Variants in SPECC1 observed in about 807,000 individuals in gnomAD.
The protein encoded by SPECC1 is sperm antigen with calponin homology and coiled-coil domains 1, also known as cytospin-B.
SPECC1 carries 62 observed loss-of-function variants against 104.1 expected under a neutral mutation model. That is an observed-to-expected ratio of 0.60 (90% CI 0.49 to 0.74). SPECC1 has a LOEUF of 0.74. Among genes scored for constraint, SPECC1 ranks in the 30% least tolerant of loss-of-function variants. The probability of loss-of-function intolerance (pLI) is 0.00; values close to 1 mark genes in which losing one functional copy is unlikely to be tolerated. For missense variants in SPECC1, 1,306 were observed against 1,310.5 expected (o/e 1.00, Z 0.05); for synonymous variants, 513 against 501.6 (o/e 1.02, Z -0.30).
At chr17:20,059,585 C>T (rs1396914252) in intron 1 of SPECC1, among the ~76,000 whole-genome samples, 1 of 152,192 alleles carries the variant, frequency 6.6e-6, no homozygotes, top group Non-Finnish European at 1.5e-5. Context: ...TATGTAGCAA[C>T]CCCTTTTCTT....
At chr17:20,273,987 C>G (rs556613779) in intron 12 of SPECC1, among the ~76,000 whole-genome samples, 2 of 152,232 alleles carry the variant, frequency 1.3e-5, no homozygotes, top group South Asian at 4.1e-4. Flanking sequence ...GCCTGGAGGC[C>G]TCAGAGAGCT....
chr17:20,199,472 C>T (rs1370738144), intron 3 of SPECC1, among the ~76,000 whole-genome samples: 1 of 144,798 alleles, frequency 6.9e-6, no homozygotes, highest in Non-Finnish European at 1.5e-5. Flanking sequence ...GTAATCTCAG[C>T]TCACTGCAGC....
At chr17:20,031,903 T>C (rs1199114504) in intron 1 of SPECC1, among the ~76,000 whole-genome samples, 1 of 152,232 alleles carries the variant, frequency 6.6e-6, no homozygotes, top group Admixed American at 6.5e-5. Flanking sequence ...TATTTGTCGA[T>C]GGACCCTTGG....
intron 1 of SPECC1, among the ~76,000 whole-genome samples, chr17:20,049,211 C>G (rs774673311): frequency 4.6e-5 from 7 of 152,186 alleles, no homozygotes; most frequent in Non-Finnish European, 8.8e-5. Flanking sequence ...TCCTCACATT[C>G]TCACCAACAT....
chr17:20,039,849 A>T (rs2045253067), intron 1 of SPECC1, among the ~76,000 whole-genome samples: 1 of 152,084 alleles, frequency 6.6e-6, no homozygotes, highest in South Asian at 2.1e-4. Context: ...GAGTCACTGC[A>T]CTCAGCCCAA....
At chr17:20,102,475 C>T (rs1316340320) in intron 2 of SPECC1, among the ~76,000 whole-genome samples, 1 of 152,152 alleles carries the variant, frequency 6.6e-6, no homozygotes, top group Non-Finnish European at 1.5e-5. Flanking sequence ...ATCCTGTTGT[C>T]TGGGAAGGAC....
At chr17:20,232,870 A>G (rs2038684251) in intron 7 of SPECC1, among the ~76,000 whole-genome samples, 1 of 152,178 alleles carries the variant, frequency 6.6e-6, no homozygotes, top group South Asian at 2.1e-4. Flanking sequence ...GAGAACACCC[A>G]TGAGCTACGT....
chr17:20,131,894 C>T (rs1484323111), intron 3 of SPECC1, among the ~76,000 whole-genome samples: 1 of 152,104 alleles, frequency 6.6e-6, no homozygotes, highest in Non-Finnish European at 1.5e-5. Context: ...AGGCAATCCC[C>T]GCCCGCCTTG....
intron 3 of SPECC1, among the ~76,000 whole-genome samples, chr17:20,187,913 G>C (rs912638807): frequency 6.6e-6 from 1 of 152,238 alleles, no homozygotes; most frequent in African/African-American, 2.4e-5. Context: ...CAGACATTCA[G>C]ATGTCACGTG....
intron 4 of SPECC1, among the ~76,000 whole-genome samples, chr17:20,221,526 T>G (rs1188128253): frequency 1.3e-5 from 2 of 152,032 alleles, no homozygotes; most frequent in Non-Finnish European, 2.9e-5. Context: ...TTATCTTTGA[T>G]TTTATTTAAT....
At position 20,202,118 on chromosome 17, in the gene SPECC1, T is replaced by C. The variant is rs145866239; in HGVS notation, c.284-2215T>C. The stretch of plus-strand genomic sequence containing the variant: ...TGGTGCTATTCATAGTTGAGAGAAA[T>C]GTAAACAAATATAAAGATGCAGTAT... On this transcript the variant is annotated intron_variant, in intron 3 of 14. Transcript: ENST00000395527. Among the ~76,000 whole-genome samples the C allele has an allele frequency of 6.8e-3, 1,030 of 152,342 alleles. 11 individuals carry two copies. The highest frequency in any genetic ancestry group is 0.024 in the African/African-American group (981 of 41,572).
At position 20,231,760 on chromosome 17, in the gene SPECC1, A is replaced by G; in HGVS notation, c.2074A>G (p.Ser692Gly). The G allele has an allele frequency of 1.2e-6, 2 of 1,613,802 alleles. No homozygotes were observed. Among genetic ancestry groups the G allele is most frequent in the Non-Finnish European group, 1.7e-6 (2 of 1,179,756 alleles). ...CTGTCTGAATTATTTATTTCTAGGT[A>G]GTGTGATCAAGCTGGAGGAACAGAA... The part of the protein sequence containing the change: ...NNQLISELES[S>G]VIKLEEQKSD... Residue 692 changes from serine (S) to glycine (G), a missense_variant and splice_region_variant, in exon 6 of 15, where the codon AGT (serine) becomes GGT (glycine). This residue lies in a region of SPECC1 where 1,177 missense variants were observed against 1,139.9 expected (regional missense o/e 1.03). Transcript: ENST00000395527.
At chr17:20,231,603 A>T (rs1181109814) in intron 5 of SPECC1, among the ~76,000 whole-genome samples, 155 bp from the exon 6 acceptor site, 1 of 152,208 alleles carries the variant, frequency 6.6e-6, no homozygotes, top group African/African-American at 2.4e-5. Flanking sequence ...TTTACAGGGT[A>T]AATTGAAATT....
chr17:20,025,575 G>T (rs1187624071), intron 1 of SPECC1, among the ~76,000 whole-genome samples: 4 of 152,184 alleles, frequency 2.6e-5, no homozygotes, highest in African/African-American at 9.7e-5. Flanking sequence ...ATATTCTAGT[G>T]TATGGATAAT....
At chr17:20,014,983 G>C (rs2044064216) in intron 1 of SPECC1, among the ~76,000 whole-genome samples, 1 of 152,182 alleles carries the variant, frequency 6.6e-6, no homozygotes, top group South Asian at 2.1e-4. Context: ...TCAAACTCCT[G>C]ACCTCAGGTG....
At chr17:20,242,517 C>T (rs1046445766) in intron 7 of SPECC1, among the ~76,000 whole-genome samples, 5 of 152,256 alleles carry the variant, frequency 3.3e-5, no homozygotes, top group South Asian at 2.1e-4. Flanking sequence ...ATCTGGCCTG[C>T]AACTGTTGTT....
At chr17:20,136,028 C>T (rs955701259) in intron 3 of SPECC1, among the ~76,000 whole-genome samples, 1 of 152,088 alleles carries the variant, frequency 6.6e-6, no homozygotes, top group African/African-American at 2.4e-5. Context: ...AAGCCAAACT[C>T]TAGGATGTTG....
intron 3 of SPECC1, among the ~76,000 whole-genome samples, chr17:20,167,222 A>G (rs1432917807): frequency 6.7e-6 from 1 of 148,554 alleles, no homozygotes; most frequent in Non-Finnish European, 1.5e-5. Flanking sequence ...TACTATATAT[A>G]TAATGTATAT....
chr17:20,269,433 A>G (rs1392163275), intron 12 of SPECC1, among the ~76,000 whole-genome samples: 1 of 152,104 alleles, frequency 6.6e-6, no homozygotes, highest in Non-Finnish European at 1.5e-5. Flanking sequence ...GGTTGGCAGC[A>G]TTTTTTCTTG....
Sources: allele counts gnomAD v4.1 joint callset (sites outside exome capture counted in the v4.1 genomes callset), GRCh38; gene constraint gnomAD v4.1.1; regional missense constraint gnomAD v4.1.1; transcripts MANE v1.5; gene names NCBI Gene and HGNC (gene_info 2026-07-23, HGNC 2026-07-21).